Variants in PHACTR1 observed in about 807,000 individuals in gnomAD.
The protein encoded by PHACTR1 is phosphatase and actin regulator 1.
In PHACTR1, 16 loss-of-function variants were observed where a neutral mutation model predicts 69.2. The observed-to-expected ratio is 0.23, with a 90% CI of 0.16 to 0.35. The LOEUF is 0.35. PHACTR1 is among the 10% of genes least tolerant of loss of function. The pLI is 1.00. For missense variants in PHACTR1, 510 were observed against 734.7 expected (o/e 0.69, Z 3.54); for synonymous variants, 312 against 284.5 (o/e 1.10, Z -0.97).
At chr6:13,077,219 G>A (rs1379388679) in intron 5 of PHACTR1, among the ~76,000 whole-genome samples, 2 of 151,296 alleles carry the variant, frequency 1.3e-5, no homozygotes, top group Admixed American at 1.3e-4. Flanking sequence ...GTCTAAGTGT[G>A]GTTTATGCAT....
rs576294192 is a variant in PHACTR1 at position 13,254,593 on chromosome 6, T to C, written c.1392-18267T>C. Among the ~76,000 whole-genome samples, 4 of 152,240 alleles carry C rather than the reference T, an allele frequency of 2.6e-5. No individual in the cohort carries two copies. The South Asian group carries it at 6.2e-4, about 24-fold the overall frequency. ...TCAAAAAGGAAGACGTTCTCTATCA[T>C]GATCTTCCCATCAGTCAAGGTTCCA... On this transcript the variant is annotated intron_variant, in intron 10 of 14. Transcript: ENST00000332995.
At chr6:12,768,908 G>C (rs1283340566) in intron 4 of PHACTR1, among the ~76,000 whole-genome samples, 1 of 150,300 alleles carries the variant, frequency 6.7e-6, no homozygotes, top group Non-Finnish European at 1.5e-5. Flanking sequence ...CCTGCCATTT[G>C]CAGCAAGATG....
intron 5 of PHACTR1, among the ~76,000 whole-genome samples, chr6:13,115,138 G>C (rs1167305839): frequency 1.3e-5 from 2 of 152,174 alleles, no homozygotes; most frequent in African/African-American, 2.4e-5. Flanking sequence ...TAAGAGAACT[G>C]TATGAGATCC....
intron 5 of PHACTR1, among the ~76,000 whole-genome samples, chr6:13,092,000 G>A (rs1813360760): frequency 6.6e-6 from 1 of 152,102 alleles, no homozygotes; most frequent in Non-Finnish European, 1.5e-5. Context: ...GGGTTTCACT[G>A]TGTTAGCCAG....
At chr6:12,774,937 C>G (rs962593763) in intron 4 of PHACTR1, among the ~76,000 whole-genome samples, 2 of 152,186 alleles carry the variant, frequency 1.3e-5, no homozygotes, top group Middle Eastern at 3.2e-3. Context: ...TGAGTCACTT[C>G]TAGAACATGG....
At chr6:12,948,151 C>T (rs1790880459) in intron 4 of PHACTR1, among the ~76,000 whole-genome samples, 1 of 152,166 alleles carries the variant, frequency 6.6e-6, no homozygotes, top group Admixed American at 6.5e-5. Context: ...ACTTCCTGTT[C>T]TAGGGTAATC....
At position 13,283,105 on chromosome 6, in the gene PHACTR1, T is replaced by A. The variant is rs983080602; in HGVS notation, c.1510-317T>A. ...TGATAATACACCAAATTCATTACAT[T>A]AGTCTCCTTCCTTGTTTTGAAAATT... On this transcript the variant is annotated intron_variant, in intron 12 of 14. Coordinates refer to ENST00000332995, the MANE Select transcript of PHACTR1 (RefSeq NM_030948.6). The surrounding 1 kb of genome is among the most constrained non-coding windows in gnomAD (Gnocchi z 4.7). Among the ~76,000 whole-genome samples, 3 of 152,148 alleles carry A rather than the reference T, an allele frequency of 2.0e-5. No individual in the cohort carries two copies. The highest frequency in any genetic ancestry group is 4.8e-5 in the African/African-American group (2 of 41,414).
intron 4 of PHACTR1, among the ~76,000 whole-genome samples, chr6:13,020,117 G>A (rs1250984290): frequency 6.6e-6 from 1 of 152,172 alleles, no homozygotes; most frequent in Non-Finnish European, 1.5e-5. Context: ...CTGTAAGGGA[G>A]AAAAGGTAAG....
At chr6:12,957,460 G>T in intron 4 of PHACTR1, 1 of 985,408 alleles carries the variant, frequency 1.0e-6, no homozygotes, top group Non-Finnish European at 1.2e-6. Flanking sequence ...CCCTGTTTCT[G>T]CAACCGGTTG....
intron 4 of PHACTR1, among the ~76,000 whole-genome samples, chr6:12,753,237 A>T (rs1272151392): frequency 1.3e-5 from 2 of 152,210 alleles, no homozygotes; most frequent in African/African-American, 4.8e-5. Flanking sequence ...CTGCCTTATG[A>T]GGTCGTTCAT....
intron 10 of PHACTR1, among the ~76,000 whole-genome samples, chr6:13,265,791 T>C (rs1776608803): frequency 6.6e-6 from 1 of 152,100 alleles, no homozygotes. Context: ...AGAACTCCCC[T>C]CCCCAGAATC....
chr6:12,912,750 C>T (rs1016610477), intron 4 of PHACTR1, among the ~76,000 whole-genome samples: 4 of 152,072 alleles, frequency 2.6e-5, no homozygotes, highest in Non-Finnish European at 5.9e-5. Context: ...CCCAGGAGTT[C>T]GAAATTAGCC....
chr6:12,734,279 C>T (rs145848070), intron 3 of PHACTR1, among the ~76,000 whole-genome samples: 1,765 of 152,264 alleles, frequency 0.012, 35 homozygotes, highest in South Asian at 0.068. Context: ...TTTACAAGGT[C>T]TAATAAGCTT....
At chr6:13,180,618 G>A (rs965478673) in intron 6 of PHACTR1, among the ~76,000 whole-genome samples, 1 of 152,172 alleles carries the variant, frequency 6.6e-6, no homozygotes, top group Non-Finnish European at 1.5e-5. Context: ...TGGTTGTCTC[G>A]TCCAGCACTT....
intron 5 of PHACTR1, among the ~76,000 whole-genome samples, chr6:13,082,562 C>T (rs1329353177): frequency 4.6e-5 from 7 of 152,136 alleles, no homozygotes; most frequent in Non-Finnish European, 1.0e-4. Flanking sequence ...ACAGTCCCAC[C>T]AACAGTGTAA....
At chr6:13,105,315 G>A (rs942915371) in intron 5 of PHACTR1, among the ~76,000 whole-genome samples, 10 of 152,044 alleles carry the variant, frequency 6.6e-5, no homozygotes, top group African/African-American at 2.4e-4. Flanking sequence ...GAGGGTTGAG[G>A]CTACAGTGAG....
intron 4 of PHACTR1, among the ~76,000 whole-genome samples, chr6:12,806,034 T>G (rs1418438573): frequency 6.6e-6 from 1 of 152,192 alleles, no homozygotes. Flanking sequence ...AATTTTATGG[T>G]CTCCTACCCC....
chr6:13,053,595 GA>G (rs1388972567), intron 5 of PHACTR1, 66 bp downstream of exon 5: 1 of 1,528,886 alleles, frequency 6.5e-7, no homozygotes, highest in Non-Finnish European at 8.9e-7. Flanking sequence ...TATCTTAACA[GA>G]ATTTAATTGC....
At chr6:13,111,795 G>A (rs1461476514) in intron 5 of PHACTR1, among the ~76,000 whole-genome samples, 1 of 152,040 alleles carries the variant, frequency 6.6e-6, no homozygotes. Flanking sequence ...CTTTCCAGAA[G>A]CATTTAATAG....
Sources: allele counts gnomAD v4.1 joint callset (sites outside exome capture counted in the v4.1 genomes callset), GRCh38; gene constraint gnomAD v4.1.1; non-coding constraint Gnocchi (gnomAD v3.1); transcripts MANE v1.5; gene names NCBI Gene and HGNC (gene_info 2026-07-23, HGNC 2026-07-21).